Variants in TSPAN15 observed in about 807,000 individuals in gnomAD.
The protein encoded by TSPAN15 is tetraspanin 15.
Under a neutral mutation model 34.5 loss-of-function variants are expected in TSPAN15, and 20 were observed. That is an observed-to-expected ratio of 0.58 (90% CI 0.41 to 0.84). TSPAN15 has a LOEUF of 0.84. Ranked by LOEUF, TSPAN15 falls within the 40% of genes least tolerant of loss-of-function variation. The pLI, the probability that TSPAN15 is intolerant of heterozygous loss-of-function variation, is 0.00. For synonymous variants in TSPAN15, 155 were observed against 153.9 expected (o/e 1.01, Z -0.05); for missense variants, 313 against 386.1 (o/e 0.81, Z 1.59).
intron 1 of TSPAN15, among the ~76,000 whole-genome samples, chr10:69,470,397 G>A (rs1841479568): frequency 6.6e-6 from 1 of 152,170 alleles, no homozygotes; most frequent in Non-Finnish European, 1.5e-5. Flanking sequence ...ACTTTTAAAA[G>A]TTAATCTGAA....
At chr10:69,454,441 C>A (rs1841039938) in intron 1 of TSPAN15, among the ~76,000 whole-genome samples, 1 of 151,646 alleles carries the variant, frequency 6.6e-6, no homozygotes, top group Non-Finnish European at 1.5e-5. Context: ...TTGTTTGAAC[C>A]CAGGAGGTGG....
At chr10:69,537,335 T>G in the TSPAN15 span, among the ~76,000 whole-genome samples, 1 of 152,198 alleles carries the variant, frequency 6.6e-6, no homozygotes, top group African/African-American at 2.4e-5. Flanking sequence ...TGATTTCTAC[T>G]GAATGTGCAT....
At chr10:69,454,985 G>A (rs1841052826) in intron 1 of TSPAN15, among the ~76,000 whole-genome samples, 1 of 151,654 alleles carries the variant, frequency 6.6e-6, no homozygotes. Flanking sequence ...CAACATGGCG[G>A]AACCCCGTCT....
intron 1 of TSPAN15, among the ~76,000 whole-genome samples, chr10:69,458,314 A>T (rs1329765875): frequency 6.6e-6 from 1 of 152,230 alleles, no homozygotes; most frequent in Non-Finnish European, 1.5e-5. Context: ...ATACATGCGC[A>T]TAGCTTAAAA....
chr10:69,535,525 A>G, the TSPAN15 span, among the ~76,000 whole-genome samples: 1 of 152,246 alleles, frequency 6.6e-6, no homozygotes, highest in Non-Finnish European at 1.5e-5. Flanking sequence ...TCAAGCATTT[A>G]TGCCACTTCT....
chr10:69,476,303 G>A (rs1841612411), intron 1 of TSPAN15, among the ~76,000 whole-genome samples: 2 of 152,138 alleles, frequency 1.3e-5, no homozygotes, highest in Admixed American at 1.3e-4. Context: ...AACAGCCCCA[G>A]GCATATGTAG....
chr10:69,536,672 G>A, the TSPAN15 span, among the ~76,000 whole-genome samples: 2 of 152,046 alleles, frequency 1.3e-5, no homozygotes, highest in Non-Finnish European at 2.9e-5. Flanking sequence ...CATTCCTGAT[G>A]TCTCTCTCTT....
At chr10:69,501,728 G>C (rs1842212574) in intron 5 of TSPAN15, among the ~76,000 whole-genome samples, 1 of 152,214 alleles carries the variant, frequency 6.6e-6, no homozygotes, top group African/African-American at 2.4e-5. Flanking sequence ...TCCAGGCCAT[G>C]AACCAGTACC....
rs766771115 is a variant in TSPAN15 at position 69,483,861 on chromosome 10, G to A, written c.267G>A (p.Leu89=). ...TGCTGGCGTCCCTCCGTGACAACCTGTACCTTCTCCAAGCAGTGAGTGGAC... is the reference window on the plus strand; with the variant it reads ...TGCTGGCGTCCCTCCGTGACAACCTATACCTTCTCCAAGCAGTGAGTGGAC... The part of the protein sequence containing the change: ...IGVLASLRDN[L]YLLQAFMYIL... The change falls in exon 2 of 8, where the codon CTG becomes CTA. Residue 89 remains leucine (L), a synonymous_variant. Coordinates refer to ENST00000373290, the MANE Select transcript of TSPAN15 (RefSeq NM_012339.5). 6.2e-7 allele frequency: 1 copy of A among 1,613,684 alleles called. No homozygotes were observed. Among genetic ancestry groups the A allele is most frequent in the Non-Finnish European group, 8.5e-7 (1 of 1,179,914 alleles).
chr10:69,515,618 C>A, the TSPAN15 span, among the ~76,000 whole-genome samples: 1 of 152,228 alleles, frequency 6.6e-6, no homozygotes, highest in South Asian at 2.1e-4. Context: ...AAGCTCTTGC[C>A]TTGGCTGCCA....
chr10:69,519,810 G>A, the TSPAN15 span, among the ~76,000 whole-genome samples: 6 of 151,922 alleles, frequency 3.9e-5, no homozygotes, highest in African/African-American at 1.2e-4. Flanking sequence ...TCGGCTCACC[G>A]CAACCTCTGC....
chr10:69,479,271 A>G (rs960781302), intron 1 of TSPAN15, among the ~76,000 whole-genome samples: 9 of 152,244 alleles, frequency 5.9e-5, no homozygotes, highest in African/African-American at 1.7e-4. Context: ...CAGGAGGCAC[A>G]GGTGCTGGAA....
chr10:69,498,987 A>C (rs1478553068), intron 5 of TSPAN15, among the ~76,000 whole-genome samples: 1 of 152,206 alleles, frequency 6.6e-6, no homozygotes, highest in African/African-American at 2.4e-5. Context: ...CCTGGTGATC[A>C]TCAGCAGCAG....
chr10:69,486,874 C>T (rs1032664349), intron 3 of TSPAN15, among the ~76,000 whole-genome samples: 3 of 152,262 alleles, frequency 2.0e-5, no homozygotes, highest in Non-Finnish European at 4.4e-5. Context: ...TCCATTTGCC[C>T]ATGAGGCTGC....
intron 3 of TSPAN15, 41 bp from the exon 4 acceptor site, chr10:69,495,553 G>A: frequency 6.8e-7 from 1 of 1,470,664 alleles, no homozygotes; most frequent in Non-Finnish European, 9.5e-7. Context: ...GACTCCGGGA[G>A]TGTGTGGTTC....
In TSPAN15 at chr10:69,483,920, G is replaced by A. The variant is rs752020184; in HGVS notation, c.282+44G>A. 2.5e-6 allele frequency: 4 copies of A among 1,580,920 alleles called. No homozygotes were observed. The Admixed American group carries it at 5.4e-5, about 21-fold the overall frequency. On this transcript the variant is annotated intron_variant, in intron 2 of 7. Coordinates refer to ENST00000373290, the MANE Select transcript of TSPAN15 (RefSeq NM_012339.5). ...CCCTCAGCCGGGACTCCCCAGGAGA[G>A]CTGGGGCGCCTGCCCCTGTGCCCTT...
intron 1 of TSPAN15, among the ~76,000 whole-genome samples, chr10:69,480,461 G>A (rs775031927): frequency 3.9e-5 from 6 of 152,180 alleles, no homozygotes; most frequent in Non-Finnish European, 8.8e-5. Flanking sequence ...TCATCAAAAT[G>A]GAAGATAAAA....
exon 8 of TSPAN15, chr10:69,507,651 GTTTTTTTTTTTTT>G: frequency 9.9e-7 from 1 of 1,007,626 alleles, no homozygotes; most frequent in Non-Finnish European, 1.3e-6. Context: ...ATAAAAACAT[GTTTTTTTTTTTTT>G]TTTTTTTTTG....
chr10:69,546,289 T>G, the TSPAN15 span, among the ~76,000 whole-genome samples: 1 of 152,168 alleles, frequency 6.6e-6, no homozygotes, highest in African/African-American at 2.4e-5. Flanking sequence ...CCAGATACTC[T>G]CTGGAGTAGT....
Sources: allele counts gnomAD v4.1 joint callset (sites outside exome capture counted in the v4.1 genomes callset), GRCh38; gene constraint gnomAD v4.1.1; transcripts MANE v1.5; gene names NCBI Gene and HGNC (gene_info 2026-07-23, HGNC 2026-07-21).